The following IL1RAPL1 variants were observed in gnomAD, a reference collection of about 807,000 sequenced individuals.
The protein encoded by IL1RAPL1 is interleukin 1 receptor accessory protein like 1.
IL1RAPL1 carries 3 observed loss-of-function variants against 48.4 expected under a neutral mutation model. That is an observed-to-expected ratio of 0.06 (90% CI 0.03 to 0.16). IL1RAPL1 has a LOEUF of 0.16. Ranked by LOEUF, IL1RAPL1 falls within the 10% of genes least tolerant of loss-of-function variation. The probability of loss-of-function intolerance (pLI) is 1.00; values close to 1 mark genes in which losing one functional copy is unlikely to be tolerated. For synonymous variants in IL1RAPL1, 185 were observed against 187.7 expected (o/e 0.99, Z 0.12); for missense variants, 349 against 530.6 (o/e 0.66, Z 3.36).
At chrX:29,510,953 C>G (rs994825635) in intron 5 of IL1RAPL1, among the ~76,000 whole-genome samples, 1 of 111,666 alleles carries the variant, frequency 9.0e-6, no homozygotes, top group African/African-American at 3.3e-5. Context: ...GATAGGAGAT[C>G]AAATCTGAAA....
At chrX:29,645,988 A>G (rs746046396) in intron 5 of IL1RAPL1, among the ~76,000 whole-genome samples, 1 of 112,130 alleles carries the variant, frequency 8.9e-6, no homozygotes, top group Middle Eastern at 4.2e-3. Context: ...CCAGATTGTG[A>G]AGGGCCTACT....
intron 2 of IL1RAPL1, among the ~76,000 whole-genome samples, chrX:29,279,435 CAA>C (rs369340241): frequency 7.2e-5 from 6 of 83,347 alleles, no homozygotes; most frequent in Admixed American, 1.3e-4. Flanking sequence ...GACTCCATCT[CAA>C]AAAAAAAAAA....
intron 1 of IL1RAPL1, chrX:28,659,498 C>G: frequency 4.1e-6 from 2 of 485,480 alleles, no homozygotes; most frequent in Non-Finnish European, 7.5e-6. Context: ...CTTAACCACC[C>G]TTCTCCTTCG....
chrX:29,926,750 C>A (rs769602842), intron 8 of IL1RAPL1, among the ~76,000 whole-genome samples: 1 of 111,421 alleles, frequency 9.0e-6, no homozygotes, highest in Non-Finnish European at 1.9e-5. Flanking sequence ...CACTACATGT[C>A]AATACAACCT....
chrX:29,185,813 T>C (rs1437697084), intron 2 of IL1RAPL1, among the ~76,000 whole-genome samples: 1 of 109,229 alleles, frequency 9.2e-6, no homozygotes, highest in Non-Finnish European at 1.9e-5. Flanking sequence ...ATGACATTTT[T>C]AGCTGGGCTC....
intron 1 of IL1RAPL1, among the ~76,000 whole-genome samples, chrX:28,719,507 T>G (rs1213635335): frequency 9.1e-6 from 1 of 110,468 alleles, no homozygotes; most frequent in Non-Finnish European, 1.9e-5. Flanking sequence ...AAAACAGTAG[T>G]ATGGATGAGA....
At chrX:28,599,953 C>T (rs979818003) in intron 1 of IL1RAPL1, among the ~76,000 whole-genome samples, 4 of 111,802 alleles carry the variant, frequency 3.6e-5, no homozygotes, top group Admixed American at 1.9e-4. Flanking sequence ...TCTGTTTTCA[C>T]GTCAGGCAGT....
chrX:29,442,068 T>C (rs1934553003), intron 5 of IL1RAPL1, among the ~76,000 whole-genome samples: 1 of 111,988 alleles, frequency 8.9e-6, no homozygotes, highest in Non-Finnish European at 1.9e-5. Context: ...ACTACATTTA[T>C]CCAAAGTTTT....
At chrX:29,021,188 G>A (rs1926357086) in intron 2 of IL1RAPL1, among the ~76,000 whole-genome samples, 1 of 90,459 alleles carries the variant, frequency 1.1e-5, no homozygotes, top group Non-Finnish European at 2.1e-5. Context: ...ACTCCAGCCT[G>A]GCAACAGAGC....
chrX:29,522,195 TC>T (rs1935509871), intron 5 of IL1RAPL1, among the ~76,000 whole-genome samples: 1 of 111,337 alleles, frequency 9.0e-6, no homozygotes, highest in Non-Finnish European at 1.9e-5. Context: ...ACTCTCTCTC[TC>T]TCACCCAGGG....
chrX:28,945,133 A>G (rs998523979), intron 2 of IL1RAPL1, among the ~76,000 whole-genome samples: 1 of 111,736 alleles, frequency 8.9e-6, no homozygotes, highest in Non-Finnish European at 1.9e-5. Context: ...AGAAATAGGA[A>G]TGCTTTTACA....
At chrX:28,647,427 G>C (rs1335754885) in intron 1 of IL1RAPL1, among the ~76,000 whole-genome samples, 1 of 111,873 alleles carries the variant, frequency 8.9e-6, no homozygotes, top group Non-Finnish European at 1.9e-5. Flanking sequence ...TCACACAGTA[G>C]TGTTGACTGT....
chrX:29,064,260 A>G (rs769153780), intron 2 of IL1RAPL1, among the ~76,000 whole-genome samples: 1 of 112,533 alleles, frequency 8.9e-6, no homozygotes, highest in African/African-American at 3.2e-5. Flanking sequence ...TTACAAGGAA[A>G]TACCAAGATG....
At chrX:29,127,067 C>T (rs191758515) in intron 2 of IL1RAPL1, among the ~76,000 whole-genome samples, 309 of 111,592 alleles carry the variant, frequency 2.8e-3, no homozygotes, top group Non-Finnish European at 4.4e-3. Flanking sequence ...CCAAATGACT[C>T]ATTTTATAAG....
At chrX:29,438,941 C>A (rs1934511783) in intron 5 of IL1RAPL1, among the ~76,000 whole-genome samples, 1 of 110,576 alleles carries the variant, frequency 9.0e-6, no homozygotes, top group Non-Finnish European at 1.9e-5. Flanking sequence ...AAGAATCTTG[C>A]CATGTACACA....
chrX:28,650,667 A>G (rs7054031), intron 1 of IL1RAPL1, among the ~76,000 whole-genome samples: 1,601 of 111,766 alleles, frequency 0.014, 22 homozygotes, highest in African/African-American at 0.049. Context: ...CTCTAAGTCA[A>G]TGCAATCTTG....
intron 3 of IL1RAPL1, among the ~76,000 whole-genome samples, chrX:29,324,420 T>C (rs1318581504): frequency 1.8e-5 from 2 of 111,141 alleles, no homozygotes; most frequent in African/African-American, 6.5e-5. Flanking sequence ...AAAAAGGGTA[T>C]GATCTAATAC....
At chrX:29,434,861 A>G (rs1040547784) in intron 5 of IL1RAPL1, among the ~76,000 whole-genome samples, 9 of 111,261 alleles carry the variant, frequency 8.1e-5, no homozygotes, top group African/African-American at 2.6e-4. Context: ...TTTAAAGTGT[A>G]CAATTCAGTG....
intron 1 of IL1RAPL1, among the ~76,000 whole-genome samples, chrX:28,690,233 C>G (rs1207183406): frequency 8.9e-6 from 1 of 111,799 alleles, no homozygotes; most frequent in East Asian, 2.8e-4. Context: ...ATAGTTCCAA[C>G]TTCCACGAAT....
Sources: gnomAD v4.1 joint callset for allele counts (sites outside exome capture counted in the v4.1 genomes callset) on GRCh38, gnomAD v4.1.1 for gene constraint, MANE v1.5 for transcripts, NCBI Gene and HGNC (gene_info 2026-07-23, HGNC 2026-07-21) for gene names.